CEP112: variants seen among roughly 807,000 people sequenced by gnomAD.
The protein encoded by CEP112 is centrosomal protein of 112 kDa.
In CEP112, 127 loss-of-function variants were observed where a neutral mutation model predicts 153.0. The observed-to-expected ratio is 0.83, with a 90% CI of 0.72 to 0.96. CEP112 has a LOEUF of 0.96. CEP112 is among the 40% of genes least tolerant of loss of function. The probability of loss-of-function intolerance (pLI) is 0.00; values close to 1 mark genes in which losing one functional copy is unlikely to be tolerated. For synonymous variants in CEP112, 358 were observed against 374.4 expected, an observed-to-expected ratio of 0.96 and a Z score of 0.51; for missense variants, 1,089 against 1,101.2, an observed-to-expected ratio of 0.99 and a Z score of 0.16.
At chr17:66,045,367 G>C (rs1201721392) in intron 12 of CEP112, among the ~76,000 whole-genome samples, 1 of 152,128 alleles carries the variant, frequency 6.6e-6, no homozygotes, top group African/African-American at 2.4e-5. Context: ...ACCATGCCTG[G>C]CCAAAATATT....
At chr17:65,667,215 C>T (rs1332218159) in intron 24 of CEP112, among the ~76,000 whole-genome samples, 6 of 151,998 alleles carry the variant, frequency 3.9e-5, no homozygotes, top group African/African-American at 1.2e-4. Context: ...CTCTATAATG[C>T]TTCTTAAATT....
At chr17:65,651,670 C>A (rs1404735193) in intron 24 of CEP112, among the ~76,000 whole-genome samples, 3 of 147,008 alleles carry the variant, frequency 2.0e-5, no homozygotes, top group Admixed American at 1.4e-4. Context: ...TTTCTCCTTC[C>A]TTCCTTCCTT....
intron 23 of CEP112, among the ~76,000 whole-genome samples, chr17:65,734,890 C>T (rs1019042907): frequency 6.6e-6 from 1 of 152,186 alleles, no homozygotes. Flanking sequence ...GCTTTTCATA[C>T]TATTACACTA....
intron 23 of CEP112, among the ~76,000 whole-genome samples, chr17:65,712,518 G>A (rs937870921): frequency 6.6e-6 from 1 of 151,422 alleles, no homozygotes; most frequent in Admixed American, 6.6e-5. Flanking sequence ...AATGCTTGCA[G>A]AAATAACATA....
At chr17:65,823,188 T>C (rs956401650) in intron 21 of CEP112, among the ~76,000 whole-genome samples, 3 of 152,120 alleles carry the variant, frequency 2.0e-5, no homozygotes, top group Non-Finnish European at 4.4e-5. Context: ...GAATTCATTA[T>C]GCTGATTCTA....
intron 20 of CEP112, among the ~76,000 whole-genome samples, chr17:65,898,315 C>G (rs1456166955): frequency 6.6e-6 from 1 of 152,098 alleles, no homozygotes; most frequent in Non-Finnish European, 1.5e-5. Flanking sequence ...CCCCTGGATG[C>G]AGGCACACAC....
chr17:66,102,326 T>C (rs2068597729), intron 6 of CEP112, among the ~76,000 whole-genome samples: 1 of 152,114 alleles, frequency 6.6e-6, no homozygotes, highest in South Asian at 2.1e-4. Context: ...AGGCCATAAA[T>C]GGTAAATGGT....
At chr17:65,842,040 G>A (rs933420548) in intron 21 of CEP112, among the ~76,000 whole-genome samples, 1 of 151,864 alleles carries the variant, frequency 6.6e-6, no homozygotes, top group African/African-American at 2.4e-5. Context: ...TTCCCAAGTC[G>A]AGTCACTGTC....
intron 12 of CEP112, among the ~76,000 whole-genome samples, chr17:66,047,480 T>C (rs2066261648): frequency 6.6e-6 from 1 of 152,240 alleles, no homozygotes; most frequent in Non-Finnish European, 1.5e-5. Context: ...TCACATATAC[T>C]TTCAATTAGA....
At position 65,646,240 on chromosome 17, in the gene CEP112, C is replaced by T. The variant is rs1347089859; in HGVS notation, c.2698-5175G>A. Among the ~76,000 whole-genome samples the T allele has an allele frequency of 1.1e-4, 16 of 152,142 alleles. 1 individual carries two copies. The highest frequency in any genetic ancestry group is 6.2e-4 in the South Asian group (3 of 4,828). ...TATTTTCCAACATTTATTGAAGATT[C>T]GTGCATTTATACTTCCTGTCTACTC... On this transcript the variant is annotated intron_variant, in intron 24 of 26. Transcript: ENST00000535342.
chr17:65,961,652 A>G, intron 17 of CEP112, 54 bp from the exon 18 acceptor site: 1 of 1,494,118 alleles, frequency 6.7e-7, no homozygotes, highest in Non-Finnish European at 9.1e-7. Flanking sequence ...CTAGGCCTGA[A>G]TGAAAGAACA....
intron 2 of CEP112, among the ~76,000 whole-genome samples, chr17:66,178,057 C>T (rs2072562203): frequency 6.6e-6 from 1 of 152,234 alleles, no homozygotes; most frequent in East Asian, 1.9e-4. Context: ...ACACTGATTT[C>T]CTTTCTTTGG....
chr17:66,140,355 C>T (rs1157836325), intron 4 of CEP112, among the ~76,000 whole-genome samples: 5 of 152,098 alleles, frequency 3.3e-5, no homozygotes, highest in Admixed American at 6.6e-5. Context: ...AGCTTTTCCT[C>T]TAAGATCAAG....
rs180855244 is a variant in CEP112 at position 65,985,585 on chromosome 17, T to C, written c.1736+20105A>G. Among the ~76,000 whole-genome samples, 428 of 152,290 alleles carry C rather than the reference T, an allele frequency of 2.8e-3. 1 individual carries two copies. Among genetic ancestry groups the C allele is most frequent in the African/African-American group, 9.9e-3 (412 of 41,566 alleles). ...TAAAAGCTTCAGAAGAAGTTGTCTATGGTCTACTATATTAATAAAGCATAT... is the reference window on the plus strand; with the variant it reads ...TAAAAGCTTCAGAAGAAGTTGTCTACGGTCTACTATATTAATAAAGCATAT... On this transcript the variant is annotated intron_variant, in intron 17 of 26. Coordinates refer to ENST00000535342, the MANE Select transcript of CEP112 (RefSeq NM_001199165.4).
chr17:65,868,694 T>C (rs1179996253), intron 20 of CEP112, among the ~76,000 whole-genome samples: 1 of 152,214 alleles, frequency 6.6e-6, no homozygotes, highest in Non-Finnish European at 1.5e-5. Context: ...TGTCAATTTA[T>C]TTCATGGAGA....
At chr17:66,035,493 G>A (rs1375825251) in intron 12 of CEP112, among the ~76,000 whole-genome samples, 8 of 152,122 alleles carry the variant, frequency 5.3e-5, no homozygotes, top group East Asian at 1.9e-4. Flanking sequence ...TGCACTGCTG[G>A]TGAGAATGAA....
chr17:66,093,438 A>T (rs564411556), intron 8 of CEP112, among the ~76,000 whole-genome samples: 30 of 152,152 alleles, frequency 2.0e-4, no homozygotes, highest in African/African-American at 6.0e-4. Flanking sequence ...AAAAATTTTT[A>T]AAGACTCCAC....
chr17:66,096,527 GA>G, intron 7 of CEP112, 57 bp downstream of exon 7: 1 of 1,234,778 alleles, frequency 8.1e-7, no homozygotes, highest in South Asian at 1.3e-5. Context: ...ATAACTTAGT[GA>G]TTATTTTATT....
At chr17:65,848,419 C>T (rs950760511) in intron 21 of CEP112, among the ~76,000 whole-genome samples, 2 of 152,184 alleles carry the variant, frequency 1.3e-5, no homozygotes, top group Non-Finnish European at 2.9e-5. Flanking sequence ...GTCTTTTCCT[C>T]TATTTCCATA....
Sources: allele counts gnomAD v4.1 joint callset (sites outside exome capture counted in the v4.1 genomes callset), GRCh38; gene constraint gnomAD v4.1.1; transcripts MANE v1.5; gene names NCBI Gene and HGNC (gene_info 2026-07-23, HGNC 2026-07-21).